The following CCDC178 variants were observed in gnomAD, a reference collection of about 807,000 sequenced individuals.
CCDC178 encodes coiled-coil domain-containing protein 178.
CCDC178 carries 126 observed loss-of-function variants against 117.4 expected under a neutral mutation model. The observed-to-expected ratio is 1.07, with a 90% CI of 0.93 to 1.24. The LOEUF (loss-of-function observed/expected upper bound fraction) is 1.24. Ranked by LOEUF, CCDC178 falls within the 50% of genes most tolerant of loss-of-function variation. The pLI is 0.00. For missense variants in CCDC178, 1,030 were observed against 986.9 expected (o/e 1.04, Z -0.59); for synonymous variants, 283 against 313.4 (o/e 0.90, Z 1.02).
intron 2 of CCDC178, among the ~76,000 whole-genome samples, chr18:33,412,788 T>C (rs2063876634): frequency 6.6e-6 from 1 of 152,190 alleles, no homozygotes; most frequent in African/African-American, 2.4e-5. Flanking sequence ...TTCACATTTG[T>C]CTCACATTTT....
At chr18:33,204,085 T>C (rs1039477965) in intron 20 of CCDC178, among the ~76,000 whole-genome samples, 4 of 152,018 alleles carry the variant, frequency 2.6e-5, no homozygotes, top group African/African-American at 7.2e-5. Context: ...TTTAATTATA[T>C]AGAAAACAGA....
intron 4 of CCDC178, among the ~76,000 whole-genome samples, chr18:33,393,515 C>T (rs750296460): frequency 9.9e-5 from 15 of 152,026 alleles, no homozygotes; most frequent in Non-Finnish European, 1.6e-4. Flanking sequence ...CTATAGGCAA[C>T]TGTTATTTTG....
Position 33,201,405 on chromosome 18 carries a change from C to CT in CCDC178, c.2238+10490dup, listed in dbSNP as rs549212042. Among the ~76,000 whole-genome samples the CT allele has an allele frequency of 9.2e-5, 14 of 152,288 alleles. No individual in the cohort carries two copies. The South Asian group carries it at 2.9e-3, about 32-fold the overall frequency. ...CCTTCACCAATGGACTGATGCCACT[C>CT]TTTTTATCAGTGATGCTCTCCCTAA... On this transcript the variant is annotated intron_variant, in intron 20 of 22. Coordinates refer to ENST00000383096, the MANE Select transcript of CCDC178 (RefSeq NM_001105528.4).
chr18:33,021,337 A>G (rs1410668691), intron 21 of CCDC178, among the ~76,000 whole-genome samples: 1 of 152,126 alleles, frequency 6.6e-6, no homozygotes, highest in Non-Finnish European at 1.5e-5. Flanking sequence ...ATTTTCTCAT[A>G]TATTTTCATT....
Position 33,351,444 on chromosome 18 carries a change from TG to T in CCDC178, c.372-2470del, listed in dbSNP as rs537423453. 7.9e-5 allele frequency among the ~76,000 whole-genome samples: 12 copies of T among 152,258 alleles called. 1 individual carries two copies. The South Asian group carries it at 2.5e-3, about 32-fold the overall frequency. On this transcript the variant is annotated intron_variant, in intron 7 of 22. Transcript: ENST00000383096. ...CTGACCTCAGGTGATCCACCAGCCT[TG>T]GCCTCCCAAAGTGCTGGGATTACAG...
At chr18:33,421,946 C>T (rs1230371829) in intron 2 of CCDC178, among the ~76,000 whole-genome samples, 1 of 152,152 alleles carries the variant, frequency 6.6e-6, no homozygotes, top group Non-Finnish European at 1.5e-5. Context: ...TCACCTCCTA[C>T]TTCAGAAACG....
intron 22 of CCDC178, 52 bp from the exon 23 acceptor site, chr18:32,938,143 AAAC>A (rs2054160825): frequency 1.6e-6 from 2 of 1,214,260 alleles, no homozygotes. Flanking sequence ...TTAATTAAGA[AAAC>A]AGAGCATTAT....
intron 21 of CCDC178, among the ~76,000 whole-genome samples, chr18:33,019,830 A>G (rs188131090): frequency 6.6e-6 from 1 of 151,844 alleles, no homozygotes; most frequent in African/African-American, 2.4e-5. Flanking sequence ...ACATTAGTCT[A>G]TTATACATCT....
At chr18:33,343,176 G>A (rs903480480) in intron 9 of CCDC178, among the ~76,000 whole-genome samples, 1 of 152,000 alleles carries the variant, frequency 6.6e-6, no homozygotes, top group African/African-American at 2.4e-5. Context: ...GTAGATTATG[G>A]GAAAGACAGG....
At chr18:33,054,640 A>G (rs1168859430) in intron 21 of CCDC178, among the ~76,000 whole-genome samples, 2 of 152,210 alleles carry the variant, frequency 1.3e-5, no homozygotes, top group Non-Finnish European at 2.9e-5. Context: ...CATGGTATAT[A>G]TGTACCACAT....
chr18:32,951,833 A>G (rs1472038011), intron 22 of CCDC178, among the ~76,000 whole-genome samples: 1 of 152,166 alleles, frequency 6.6e-6, no homozygotes, highest in East Asian at 1.9e-4. Context: ...CCTAGATACA[A>G]TGGGGGTACA....
At chr18:33,305,427 C>T (rs964500651) in intron 11 of CCDC178, among the ~76,000 whole-genome samples, 3 of 152,088 alleles carry the variant, frequency 2.0e-5, no homozygotes, top group South Asian at 2.1e-4. Context: ...GGCACAAGGT[C>T]GTGGTCCTGT....
chr18:33,343,384 A>G (rs1407876890), intron 9 of CCDC178, among the ~76,000 whole-genome samples: 4 of 152,184 alleles, frequency 2.6e-5, no homozygotes. Flanking sequence ...ATTTCTAGTT[A>G]TCTTTTTTGA....
intron 2 of CCDC178, among the ~76,000 whole-genome samples, chr18:33,429,609 TATTACAC>T (rs1287631617): frequency 2.0e-5 from 3 of 152,180 alleles, no homozygotes; most frequent in African/African-American, 7.2e-5. Context: ...ATGATATAAA[TATTACAC>T]ATTCGTCTTT....
chr18:32,959,614 T>C (rs554492247), intron 22 of CCDC178, among the ~76,000 whole-genome samples: 1 of 152,192 alleles, frequency 6.6e-6, no homozygotes, highest in South Asian at 2.1e-4. Context: ...TTTTTTCTCT[T>C]GTTATAACTG....
intron 2 of CCDC178, among the ~76,000 whole-genome samples, chr18:33,435,471 T>C (rs931844697): frequency 6.6e-6 from 1 of 152,040 alleles, no homozygotes; most frequent in Non-Finnish European, 1.5e-5. Context: ...ATTCAATATA[T>C]ATTATATGCT....
intron 22 of CCDC178, among the ~76,000 whole-genome samples, chr18:32,965,941 T>C (rs933105736): frequency 3.4e-5 from 5 of 148,896 alleles, no homozygotes; most frequent in Non-Finnish European, 7.4e-5. Context: ...TTATTTTATA[T>C]ATAAAAATAT....
intron 11 of CCDC178, among the ~76,000 whole-genome samples, chr18:33,309,499 A>G (rs2062306226): frequency 2.0e-5 from 3 of 152,226 alleles, no homozygotes; most frequent in African/African-American, 7.2e-5. Flanking sequence ...ATTATTTTAA[A>G]TTGAATAATA....
At chr18:33,228,658 A>G (rs565270985) in intron 15 of CCDC178, among the ~76,000 whole-genome samples, 2 of 152,318 alleles carry the variant, frequency 1.3e-5, no homozygotes, top group Admixed American at 1.3e-4. Flanking sequence ...ACCAAGCTCC[A>G]TTTTCTACCA....
Sources: allele counts gnomAD v4.1 joint callset (sites outside exome capture counted in the v4.1 genomes callset), GRCh38; gene constraint gnomAD v4.1.1; transcripts MANE v1.5; gene names NCBI Gene and HGNC (gene_info 2026-07-23, HGNC 2026-07-21).